Variants in MYO9B observed in about 807,000 individuals in gnomAD.
MYO9B encodes unconventional myosin-IXb.
A neutral mutation model predicts 229.5 loss-of-function variants in MYO9B; 71 were observed. The observed-to-expected ratio is 0.31, with a 90% CI of 0.26 to 0.38. The LOEUF (loss-of-function observed/expected upper bound fraction) is 0.38, where lower values mean the gene tolerates loss of function less well. Among genes scored for constraint, MYO9B ranks in the 10% least tolerant of loss-of-function variants. MYO9B has a pLI of 1.00. For synonymous variants in MYO9B, 1,185 were observed against 1,235.8 expected (o/e 0.96, Z 0.86); for missense variants, 2,255 against 2,920.5 (o/e 0.77, Z 5.25).
In MYO9B at chr19:17,198,247, C is replaced by T. The variant is rs2145478194; in HGVS notation, c.4177C>T (p.Pro1393Ser). The change falls in exon 24 of 40, where the codon CCA becomes TCA. Residue 1393 changes from proline to serine, a missense_variant. Physicochemically the swap from Pro to Ser is moderately conservative, Grantham distance 74. Coordinates refer to ENST00000682292, the MANE Select transcript of MYO9B (RefSeq NM_004145.4). ...AKKPAVQKKK[P>S]GDASSLPDAG... is the part of the protein sequence containing the mutation. The stretch of plus-strand genomic sequence containing the variant: ...AAAGCCAGCTGTCCAGAAGAAGAAG[C>T]CAGGCGACGCATCCTCCCTCCCAGA... 1 of 1,613,884 alleles carries T rather than the reference C, an allele frequency of 6.2e-7. No homozygotes were observed. The highest frequency in any genetic ancestry group is 1.1e-5 in the South Asian group (1 of 91,080).
intron 1 of MYO9B, among the ~76,000 whole-genome samples, chr19:17,081,836 G>A (rs1015784851): frequency 1.3e-5 from 2 of 149,974 alleles, no homozygotes; most frequent in Non-Finnish European, 3.0e-5. Context: ...AAAAAGAGGC[G>A]AGGACCCAGC....
At position 17,109,507 on chromosome 19, in the gene MYO9B, G is replaced by A. The variant is rs577467591; in HGVS notation, c.840+6950G>A. Among the ~76,000 whole-genome samples, 5 of 152,300 alleles carry A rather than the reference G, an allele frequency of 3.3e-5. No homozygotes were observed. The South Asian group carries it at 1.0e-3, about 32-fold the overall frequency. On this transcript the variant is annotated intron_variant, in intron 2 of 39. Coordinates refer to ENST00000682292, the MANE Select transcript of MYO9B (RefSeq NM_004145.4). ...AGGAAACTGAGCCCCAGAGAGACAC[G>A]TGGATGTGTGAGTTTCCTGAGGTGT...
At chr19:17,105,033 C>T (rs2057779821) in intron 2 of MYO9B, among the ~76,000 whole-genome samples, 1 of 151,998 alleles carries the variant, frequency 6.6e-6, no homozygotes, top group African/African-American at 2.4e-5. Context: ...CCCTAAAATT[C>T]CTCCATGCTC....
chr19:17,077,462 G>A (rs986610486), intron 1 of MYO9B, among the ~76,000 whole-genome samples: 5 of 152,130 alleles, frequency 3.3e-5, no homozygotes, highest in Admixed American at 6.5e-5. Context: ...TGCAAACATT[G>A]AACTGTAGGC....
intron 28 of MYO9B, 75 bp downstream of exon 28, chr19:17,202,378 C>T (rs2073116826): frequency 2.8e-6 from 4 of 1,408,676 alleles, no homozygotes; most frequent in Non-Finnish European, 3.8e-6. Context: ...TAGCCACGCC[C>T]ACCCATGCCT....
intron 2 of MYO9B, among the ~76,000 whole-genome samples, chr19:17,108,663 C>CT (rs2057816731): frequency 6.6e-6 from 1 of 152,152 alleles, no homozygotes; most frequent in African/African-American, 2.4e-5. Flanking sequence ...AGCCACTGAG[C>CT]TTTTAGAAAT....
chr19:17,161,089 C>T (rs1449255781), intron 8 of MYO9B, among the ~76,000 whole-genome samples: 9 of 152,086 alleles, frequency 5.9e-5, no homozygotes, highest in African/African-American at 2.2e-4. Flanking sequence ...CGTGAGCCAC[C>T]ACGTCCGGCC....
At chr19:17,115,517 G>A (rs935550282) in intron 2 of MYO9B, among the ~76,000 whole-genome samples, 1 of 143,982 alleles carries the variant, frequency 6.9e-6, no homozygotes, top group Non-Finnish European at 1.5e-5. Context: ...CGCCCAGGCT[G>A]GAGTTCAGTG....
At chr19:17,102,906 CAAA>C (rs55723401) in intron 2 of MYO9B, among the ~76,000 whole-genome samples, 1 of 134,704 alleles carries the variant, frequency 7.4e-6, no homozygotes, top group Non-Finnish European at 1.6e-5. Flanking sequence ...GACTCCATCT[CAAA>C]AAAAAAAAAA....
chr19:17,157,047 T>C lies in MYO9B; in HGVS notation c.1329+9T>C. 1 of 1,612,444 alleles carries C rather than the reference T, an allele frequency of 6.2e-7. No individual in the cohort carries two copies. ...TGTCGCAGCTTCTGAAGGTACTGATTGCCACCTCTGTCCCTTCTCAGGCCT... is the reference window on the plus strand; with the variant it reads ...TGTCGCAGCTTCTGAAGGTACTGATCGCCACCTCTGTCCCTTCTCAGGCCT... On this transcript the variant is annotated intron_variant, in intron 7 of 39. Coordinates refer to ENST00000682292, the MANE Select transcript of MYO9B (RefSeq NM_004145.4).
rs2145457178 is a variant in MYO9B at position 17,194,593 on chromosome 19, G to C, written c.3166G>C (p.Glu1056Gln). 1.9e-6 allele frequency: 3 copies of C among 1,612,894 alleles called. No individual in the cohort carries two copies. The highest frequency in any genetic ancestry group is 1.7e-6 in the Non-Finnish European group (2 of 1,179,880). The change falls in exon 22 of 40, where the codon GAG becomes CAG. Residue 1056 changes from glutamate (E) to glutamine (Q), a missense_variant. By Grantham distance (29) the Glu-to-Gln change is conservative. Transcript: ENST00000682292. ...QMISEKQKAE[E>Q]KEREALEAAR... ...GATCTCGGAGAAGCAGAAGGCAGAA[G>C]AGAAGGAGAGGGAAGCCCTGGAAGC... is the stretch of plus-strand genomic sequence containing the variant.
At chr19:17,079,644 C>T (rs910452994) in intron 1 of MYO9B, among the ~76,000 whole-genome samples, 4 of 152,164 alleles carry the variant, frequency 2.6e-5, no homozygotes, top group Admixed American at 2.6e-4. Context: ...TGTCCCCTTC[C>T]CTGCTTGGCC....
chr19:17,088,181 C>A (rs1362931590), intron 1 of MYO9B, among the ~76,000 whole-genome samples: 1 of 152,240 alleles, frequency 6.6e-6, no homozygotes, highest in African/African-American at 2.4e-5. Context: ...TCTGGGGCTC[C>A]AGGTGTTCCA....
Position 17,184,975 on chromosome 19 carries a change from C to T in MYO9B, c.2484C>T (p.Ser828=), listed in dbSNP as rs1319256228. 5.0e-6 allele frequency: 8 copies of T among 1,613,806 alleles called. No homozygotes were observed. The highest frequency in any genetic ancestry group is 2.2e-5 in the South Asian group (2 of 91,092). ...AGAAGAAAAAGCCACCAAGCATCAG[C>T]GCCCAGTTCCAGGTAGGTGGAGCAG... ...LHKKKKPPSI[S]AQFQTSLNKL... The change falls in exon 17 of 40, where the codon AGC becomes AGT. Residue 828 remains serine, a synonymous_variant. Coordinates refer to ENST00000682292, the MANE Select transcript of MYO9B (RefSeq NM_004145.4).
chr19:17,090,394 G>C (rs2057626589), intron 1 of MYO9B, among the ~76,000 whole-genome samples: 2 of 152,084 alleles, frequency 1.3e-5, no homozygotes, highest in Admixed American at 6.6e-5. Context: ...CAAGCGGTCT[G>C]CCGGCCTTGG....
intron 5 of MYO9B, 30 bp downstream of exon 5, chr19:17,154,096 G>T: frequency 6.3e-7 from 1 of 1,580,064 alleles, no homozygotes; most frequent in Non-Finnish European, 8.7e-7. Flanking sequence ...AGCCACAAAC[G>T]CCACCTCTGT....
At chr19:17,125,826 C>T (rs1024227052) in intron 2 of MYO9B, among the ~76,000 whole-genome samples, 21 of 152,208 alleles carry the variant, frequency 1.4e-4, no homozygotes, top group African/African-American at 4.6e-4. Context: ...GAACAGAACC[C>T]GGCAGCAGCT....
At position 17,205,946 on chromosome 19, in the gene MYO9B, C is replaced by T. The variant is rs199542588; in HGVS notation, c.5065-14C>T. On this transcript the variant is annotated splice_polypyrimidine_tract_variant and intron_variant, in intron 31 of 39. Transcript: ENST00000682292. ...AGCCAGGCCCAGACCTGACCCCCAACCCCGGCACTGCAGGGCGAGCCAGGC... is the reference window on the plus strand; with the variant it reads ...AGCCAGGCCCAGACCTGACCCCCAATCCCGGCACTGCAGGGCGAGCCAGGC... 8 of 1,546,174 alleles carry T rather than the reference C, an allele frequency of 5.2e-6. No homozygotes were observed. Among genetic ancestry groups the T allele is most frequent in the Non-Finnish European group, 7.0e-6 (8 of 1,145,008 alleles).
At chr19:17,152,198 A>AC (rs1476506339) in intron 3 of MYO9B, among the ~76,000 whole-genome samples, 2 of 151,654 alleles carry the variant, frequency 1.3e-5, no homozygotes, top group Non-Finnish European at 1.5e-5. Flanking sequence ...AAAAAAAAAA[A>AC]AAACCCACAA....
Sources: allele counts gnomAD v4.1 joint callset (sites outside exome capture counted in the v4.1 genomes callset), GRCh38; gene constraint gnomAD v4.1.1; transcripts MANE v1.5; gene names NCBI Gene and HGNC (gene_info 2026-07-23, HGNC 2026-07-21).